The following ADGRG4 variants were observed in gnomAD, a reference collection of about 807,000 sequenced individuals.
ADGRG4 encodes adhesion G protein-coupled receptor G4.
A neutral mutation model predicts 126.2 loss-of-function variants in ADGRG4; 122 were observed. The observed-to-expected ratio is 0.97, with a 90% CI of 0.83 to 1.12. The LOEUF is 1.12. Among genes scored for constraint, ADGRG4 ranks in the 50% most tolerant of loss-of-function variants. ADGRG4 has a pLI of 0.00. For synonymous variants in ADGRG4, 943 were observed against 838.7 expected (o/e 1.12, Z -2.15); for missense variants, 2,481 against 2,251.8 (o/e 1.10, Z -2.06).
chrX:136,363,800 G>T (rs938112492), intron 13 of ADGRG4, among the ~76,000 whole-genome samples: 1 of 111,094 alleles, frequency 9.0e-6, no homozygotes, highest in African/African-American at 3.3e-5. Flanking sequence ...AGTGATTTTT[G>T]TTTGTTTTTG....
Position 136,322,865 on chromosome X carries a change from G to A in ADGRG4, c.158G>A (p.Ser53Asn), listed in dbSNP as rs145927330. ...VSLIDTIPEL[S>N]RFTACIDLVF... ...CTGATAGATACCATTCCTGAACTCA[G>A]CCGATTCACAGCATGCATTGATCTG... Residue 53 changes from serine to asparagine, a missense_variant, in exon 5 of 26, where the codon AGC becomes AAC. Physicochemically the swap from Ser to Asn is conservative, Grantham distance 46. Transcript: ENST00000394143. 461 of 1,209,737 alleles carry A rather than the reference G, an allele frequency of 3.8e-4. No homozygotes were observed. In the Middle Eastern group the frequency reaches 6.4e-3, roughly 17 times the overall value.
intron 5 of ADGRG4, among the ~76,000 whole-genome samples, chrX:136,328,994 G>T (rs1463805024): frequency 9.0e-6 from 1 of 110,904 alleles, no homozygotes; most frequent in East Asian, 2.8e-4. Flanking sequence ...GTCTATTGCA[G>T]CATTCGTTTT....
At chrX:136,354,379 G>A (rs933870309) in intron 8 of ADGRG4, among the ~76,000 whole-genome samples, 22 of 111,686 alleles carry the variant, frequency 2.0e-4, no homozygotes, top group Admixed American at 5.7e-4. Context: ...GTGCCCTCAA[G>A]TGGCAGAAAG....
At chrX:136,306,343 T>A (rs1055099338) in intron 3 of ADGRG4, among the ~76,000 whole-genome samples, 1 of 111,613 alleles carries the variant, frequency 9.0e-6, no homozygotes, top group East Asian at 2.8e-4. Context: ...AAGTCTTTAA[T>A]CCTCACCCTT....
rs770126084 is a variant in ADGRG4 at position 136,390,511 on chromosome X, GA to G, written c.7912-1719del. ...GAAGAGGGAATCTACCACTCATCTG[GA>G]AGATCAGGAAAGTGCAGTGAGAGAA... On this transcript the variant is annotated intron_variant, in intron 16 of 25. Coordinates refer to ENST00000394143, the MANE Select transcript of ADGRG4 (RefSeq NM_153834.4). Among the ~76,000 whole-genome samples, 521 of 111,717 alleles carry G rather than the reference GA, an allele frequency of 4.7e-3. 2 individuals carry two copies. Among genetic ancestry groups the G allele is most frequent in the African/African-American group, 0.016 (498 of 30,730 alleles).
Position 136,347,353 on chromosome X carries a change from C to G in ADGRG4, c.3647C>G (p.Ser1216Ter). 8.3e-7 allele frequency: 1 copy of G among 1,209,251 alleles called. No homozygotes were observed. The highest frequency in any genetic ancestry group is 1.1e-6 in the Non-Finnish European group (1 of 893,459). ...ETSVVDETTP[S>*]HISANKLTTS... The stretch of plus-strand genomic sequence containing the variant: ...TCTGTTGTTGATGAGACCACACCCT[C>G]ACACATCTCTGCCAATAAGTTGACT... Residue 1216 changes from serine (S) to a stop codon, truncating the protein, a stop_gained, in exon 6 of 26, where the codon TCA (serine) becomes TGA (stop). Transcript: ENST00000394143. LOFTEE classifies it high-confidence loss of function.
rs1603294538 is a variant in ADGRG4, at chrX:136,345,150, T to G, written c.1444T>G (p.Ser482Ala). The G allele has an allele frequency of 8.3e-7, 1 of 1,211,232 alleles. No homozygotes were observed. Among genetic ancestry groups the G allele is most frequent in the East Asian group, 3.0e-5 (1 of 33,829 alleles). The change falls in exon 6 of 26, where the codon TCT becomes GCT. Residue 482 changes from serine to alanine, a missense_variant. Ser to Ala is a moderately conservative substitution (Grantham distance 99). Transcript: ENST00000394143. ...VLISTAAPVD[S>A]VFPRNQTAFP... Reference sequence around the variant, plus strand: ...CATCTCCACAGCTGCTCCAGTAGATTCTGTATTTCCTAGAAACCAGACAGC... The same window carrying G: ...CATCTCCACAGCTGCTCCAGTAGATGCTGTATTTCCTAGAAACCAGACAGC...
intron 17 of ADGRG4, among the ~76,000 whole-genome samples, chrX:136,393,274 C>A: frequency 1.8e-5 from 2 of 111,761 alleles, no homozygotes; most frequent in Non-Finnish European, 3.8e-5. Context: ...TTTAATACTA[C>A]CAAATATTTT....
In ADGRG4 at chrX:136,414,253, C is replaced by T. The variant is rs984129563; in HGVS notation, c.9131C>T (p.Ser3044Leu). The T allele has an allele frequency of 4.1e-6, 5 of 1,204,999 alleles. No individual in the cohort carries two copies. In the African/African-American group the frequency reaches 8.7e-5, roughly 21 times the overall value. Residue 3044 changes from serine (S) to leucine (L), a missense_variant, in exon 25 of 26, where the codon TCA becomes TTA. Transcript: ENST00000394143. ...AAACTGTTGACGCCATCTCTCAAGT[C>T]AACTGCAACTAGCTCCACTTTCAAA... ...EHKLLTPSLK[S>L]TATSSTFKSL...
chrX:136,402,157 A>G (rs1569338321), intron 21 of ADGRG4, among the ~76,000 whole-genome samples: 5 of 112,521 alleles, frequency 4.4e-5, no homozygotes, highest in African/African-American at 1.6e-4. Context: ...ATGAATGCCA[A>G]AGCAACCTGT....
intron 17 of ADGRG4, 74 bp from the exon 18 acceptor site, chrX:136,393,461 C>A: frequency 1.2e-6 from 1 of 864,792 alleles, no homozygotes; most frequent in Non-Finnish European, 1.7e-6. Context: ...GGGAAGAAAA[C>A]ACTTATGTGT....
At chrX:136,319,465 G>A (rs2074825087) in intron 4 of ADGRG4, among the ~76,000 whole-genome samples, 5 of 112,002 alleles carry the variant, frequency 4.5e-5, no homozygotes, top group Admixed American at 2.8e-4. Context: ...GTGGAAGAAC[G>A]AGGCATGGAG....
intron 5 of ADGRG4, among the ~76,000 whole-genome samples, chrX:136,324,528 C>T (rs1467923643): frequency 2.7e-5 from 3 of 111,348 alleles, no homozygotes; most frequent in African/African-American, 9.8e-5. Context: ...TTTCCTGCCT[C>T]ATCCTCCCAA....
At chrX:136,415,311 A>G (rs1452876684) in intron 25 of ADGRG4, among the ~76,000 whole-genome samples, 1 of 111,522 alleles carries the variant, frequency 9.0e-6, no homozygotes, top group Admixed American at 9.5e-5. Flanking sequence ...AAAAGCATCA[A>G]ACTTGGAGTT....
chrX:136,324,376 A>G (rs2074859610), intron 5 of ADGRG4, among the ~76,000 whole-genome samples: 1 of 111,488 alleles, frequency 9.0e-6, no homozygotes, highest in Admixed American at 9.6e-5. Flanking sequence ...TTGGCATTCT[A>G]TTGTAAGAAA....
rs2075014414 is a variant in ADGRG4 at position 136,346,029 on chromosome X, C to T, written c.2323C>T (p.Pro775Ser). Residue 775 changes from proline to serine, a missense_variant, in exon 6 of 26, where the codon CCT (proline) becomes TCT (serine). Transcript: ENST00000394143. ...PMSTKPANEL[P>S]LTPRETVVPS... ...GTCTACAAAACCTGCAAATGAACTTCCTTTGACACCAAGGGAGACTGTTGT... is the reference window on the plus strand; with the variant it reads ...GTCTACAAAACCTGCAAATGAACTTTCTTTGACACCAAGGGAGACTGTTGT... 6.6e-6 allele frequency: 8 copies of T among 1,205,493 alleles called. No homozygotes were observed. The highest frequency in any genetic ancestry group is 3.5e-5 in the African/African-American group (2 of 57,630).
chrX:136,335,343 CTT>C (rs75317100), intron 5 of ADGRG4, among the ~76,000 whole-genome samples: 5 of 99,687 alleles, frequency 5.0e-5, no homozygotes, highest in Admixed American at 1.1e-4. Flanking sequence ...TAATTTCTTT[CTT>C]TTTTTTTTTT....
chrX:136,356,925 C>T (rs2075097403), intron 9 of ADGRG4, among the ~76,000 whole-genome samples: 3 of 111,675 alleles, frequency 2.7e-5, no homozygotes, highest in Admixed American at 9.5e-5. Context: ...ATCACATGAG[C>T]CCAGATTTCA....
rs375937070 is a variant in ADGRG4 at position 136,329,671 on chromosome X, A to AT, written c.685+6295dup. On this transcript the variant is annotated intron_variant, in intron 5 of 25. Coordinates refer to ENST00000394143, the MANE Select transcript of ADGRG4 (RefSeq NM_153834.4). ...AGCACAGTACTGGCTTTTGCATTTG[A>AT]TTTTTTTTTTTTTTTTGAGATAAGG... 5.0e-3 allele frequency among the ~76,000 whole-genome samples: 472 copies of AT among 93,748 alleles called. 2 individuals are homozygous for AT. Among genetic ancestry groups the AT allele is most frequent in the East Asian group, 0.019 (56 of 2,984 alleles). The allele number at this position is 93,748 out of a possible 115,157, so 81.4% of individuals were successfully genotyped here.
Sources: gnomAD v4.1 joint callset for allele counts (sites outside exome capture counted in the v4.1 genomes callset) on GRCh38, gnomAD v4.1.1 for gene constraint, MANE v1.5 for transcripts, NCBI Gene and HGNC (gene_info 2026-07-23, HGNC 2026-07-21) for gene names.